Variants in TBC1D4 observed in about 807,000 individuals in gnomAD.
TBC1D4 encodes the protein TBC (Tre-2, BUB2, CDC16) domain-containing protein.
TBC1D4 carries 121 observed loss-of-function variants against 142.5 expected under a neutral mutation model. The observed-to-expected ratio is 0.85, with a 90% CI of 0.73 to 0.99. The LOEUF (loss-of-function observed/expected upper bound fraction) is 0.99. TBC1D4 is among the 50% of genes least tolerant of loss of function. TBC1D4 has a pLI of 0.00. For synonymous variants in TBC1D4, 630 were observed against 628.2 expected, an observed-to-expected ratio of 1.00 and a Z score of -0.04; for missense variants, 1,475 against 1,606.6, an observed-to-expected ratio of 0.92 and a Z score of 1.40.
chr13:75,464,850 T>C (rs542605871), intron 1 of TBC1D4, among the ~76,000 whole-genome samples: 40 of 152,352 alleles, frequency 2.6e-4, no homozygotes, highest in African/African-American at 9.6e-4. Flanking sequence ...AAAAACAAGA[T>C]TTTGTTAGGA....
In TBC1D4 at chr13:75,285,518, C is replaced by G. The variant is rs1282790546; in HGVS notation, c.*1274G>C. The G allele has an allele frequency of 6.6e-6, 1 of 152,458 alleles. No homozygotes were observed. The highest frequency in any genetic ancestry group is 1.5e-5 in the Non-Finnish European group (1 of 68,010). The allele number at this position is 152,458 out of a possible 1,614,324, so 9.4% of individuals were successfully genotyped here. A position where few individuals can be genotyped will look rare whatever the true frequency, so the allele number is the denominator to read the frequency against. Reference sequence around the variant, plus strand: ...TGAAAATTACTTTCCTTGCCTATACCCAGCATGCGTGAATGTCATCTAATG... The same window carrying G: ...TGAAAATTACTTTCCTTGCCTATACGCAGCATGCGTGAATGTCATCTAATG... On this transcript the variant is annotated 3_prime_UTR_variant, in exon 21 of 21. Transcript: ENST00000377636.
chr13:75,343,972 C>G lies in TBC1D4; in HGVS notation c.1409-2385G>C, dbSNP rs529874511. 5.3e-5 allele frequency among the ~76,000 whole-genome samples: 8 copies of G among 152,208 alleles called. No homozygotes were observed. The South Asian group carries it at 1.4e-3, about 28-fold the overall frequency. On this transcript the variant is annotated intron_variant, in intron 5 of 20. Transcript: ENST00000377636. ...TCTCATGCCTCAACCTCCCAAGTAG[C>G]TGGGATTACAGGTGCCCACCACCAT...
chr13:75,293,696 C>T (rs1354459009), intron 18 of TBC1D4, among the ~76,000 whole-genome samples: 1 of 152,144 alleles, frequency 6.6e-6, no homozygotes, highest in East Asian at 1.9e-4. Context: ...TCTTTTGCTG[C>T]ATTTTATAAA....
intron 19 of TBC1D4, among the ~76,000 whole-genome samples, chr13:75,289,572 G>A (rs2137826244): frequency 6.6e-6 from 1 of 152,132 alleles, no homozygotes; most frequent in East Asian, 1.9e-4. Flanking sequence ...CTGTAATAAA[G>A]CAACCAAAAG....
intron 16 of TBC1D4, among the ~76,000 whole-genome samples, chr13:75,299,848 A>T (rs1187561873): frequency 7.2e-6 from 1 of 138,354 alleles, no homozygotes; most frequent in African/African-American, 2.8e-5. Context: ...AAAAAAAAAA[A>T]TACAATAAAA....
chr13:75,338,711 A>G (rs913275225), intron 7 of TBC1D4, among the ~76,000 whole-genome samples: 8 of 152,228 alleles, frequency 5.3e-5, no homozygotes, highest in African/African-American at 1.9e-4. Context: ...CTCCTTACTC[A>G]TCACCTCAAA....
At chr13:75,293,256 G>A (rs1028098914) in intron 18 of TBC1D4, among the ~76,000 whole-genome samples, 2 of 152,156 alleles carry the variant, frequency 1.3e-5, no homozygotes, top group Non-Finnish European at 2.9e-5. Flanking sequence ...ATATACAACA[G>A]GGAGTCTTTA....
At chr13:75,334,620 G>T (rs1221106170) in intron 8 of TBC1D4, among the ~76,000 whole-genome samples, 2 of 151,890 alleles carry the variant, frequency 1.3e-5, no homozygotes, top group African/African-American at 4.8e-5. Context: ...GTCTCACTCT[G>T]TCTCCCAGGC....
At chr13:75,320,459 T>G (rs1435454962) in intron 11 of TBC1D4, among the ~76,000 whole-genome samples, 1 of 152,110 alleles carries the variant, frequency 6.6e-6, no homozygotes, top group Non-Finnish European at 1.5e-5. Context: ...TACCATAACA[T>G]TATATAAAAT....
At chr13:75,331,740 C>T (rs1169607360) in intron 8 of TBC1D4, among the ~76,000 whole-genome samples, 1 of 149,086 alleles carries the variant, frequency 6.7e-6, no homozygotes, top group African/African-American at 2.5e-5. Flanking sequence ...ATTTCATAAA[C>T]AACTATAGTT....
chr13:75,362,665 T>G lies in TBC1D4; in HGVS notation c.499-58A>C. The G allele has an allele frequency of 8.3e-6, 13 of 1,569,070 alleles. No homozygotes were observed. The South Asian group carries it at 1.4e-4, about 17-fold the overall frequency. On this transcript the variant is annotated intron_variant, in intron 1 of 20. Transcript: ENST00000377636. This position sits in a 1 kb window ranked among gnomAD's most constrained non-coding sequence, Gnocchi z 4.2. Reference sequence around the variant, plus strand: ...TGAAAGTTTTGAGACAATTTACATTTACCTAGCCCAATTATTACCACATGG... The same window carrying G: ...TGAAAGTTTTGAGACAATTTACATTGACCTAGCCCAATTATTACCACATGG...
At chr13:75,379,887 CTTTTTTTTTTTT>C (rs750734086) in intron 1 of TBC1D4, among the ~76,000 whole-genome samples, 1 of 98,606 alleles carries the variant, frequency 1.0e-5, no homozygotes, top group African/African-American at 3.5e-5. Context: ...TCATCTGACT[CTTTTTTTTTTTT>C]TTTTTTTTTT....
rs1372221640 is a variant in TBC1D4 at position 75,323,181 on chromosome 13, T to C, written c.2198+1056A>G. 2.0e-5 allele frequency among the ~76,000 whole-genome samples: 3 copies of C among 152,164 alleles called. 1 individual carries two copies. The highest frequency in any genetic ancestry group is 7.2e-5 in the African/African-American group (3 of 41,450). ...GCCAAAAGAATATCTAAGAAGATGTTAATGGCACACAGGCTAGTGGATAAC... is the reference window on the plus strand; with the variant it reads ...GCCAAAAGAATATCTAAGAAGATGTCAATGGCACACAGGCTAGTGGATAAC... On this transcript the variant is annotated intron_variant, in intron 11 of 20. Transcript: ENST00000377636.
chr13:75,299,590 A>G lies in TBC1D4; in HGVS notation c.2912-16T>C. ...AACGTCCTTCCTGCAGAGGAAAAGAAGGAAAATATTTTTTGAAATGTCCTC... is the reference window on the plus strand; with the variant it reads ...AACGTCCTTCCTGCAGAGGAAAAGAGGGAAAATATTTTTTGAAATGTCCTC... On this transcript the variant is annotated splice_polypyrimidine_tract_variant and intron_variant, in intron 16 of 20. Transcript: ENST00000377636. 1 of 1,613,912 alleles carries G rather than the reference A, an allele frequency of 6.2e-7. No individual in the cohort carries two copies. The highest frequency in any genetic ancestry group is 8.5e-7 in the Non-Finnish European group (1 of 1,180,004).
intron 19 of TBC1D4, among the ~76,000 whole-genome samples, chr13:75,290,077 T>A (rs554621455): frequency 1.3e-5 from 2 of 152,250 alleles, no homozygotes; most frequent in South Asian, 2.1e-4. Context: ...TAATATGGAT[T>A]TATAGTTACT....
At chr13:75,438,030 C>T (rs1285823586) in intron 1 of TBC1D4, among the ~76,000 whole-genome samples, 1 of 152,146 alleles carries the variant, frequency 6.6e-6, no homozygotes, top group Non-Finnish European at 1.5e-5. Context: ...AAAATAAAAT[C>T]TTCAGGTTCT....
At chr13:75,360,805 C>T (rs191400650) in intron 2 of TBC1D4, among the ~76,000 whole-genome samples, 5 of 152,238 alleles carry the variant, frequency 3.3e-5, no homozygotes, top group East Asian at 3.9e-4. Flanking sequence ...TGTTCACCTA[C>T]GAGTGTTTAT....
rs1318535884 is a variant in TBC1D4, at chr13:75,364,299, T to C, written c.499-1692A>G. On this transcript the variant is annotated intron_variant, in intron 1 of 20. Transcript: ENST00000377636. The stretch of plus-strand genomic sequence containing the variant: ...GAGATGTTAACAGTTTATTGCCACA[T>C]CCATTTAATATTTTCGGACCACAGA... 2.0e-5 allele frequency among the ~76,000 whole-genome samples: 3 copies of C among 152,206 alleles called. No individual in the cohort carries two copies. In the East Asian group the frequency reaches 5.8e-4, roughly 29 times the overall value.
intron 11 of TBC1D4, among the ~76,000 whole-genome samples, chr13:75,323,257 A>G (rs1878934938): frequency 6.6e-6 from 1 of 152,276 alleles, no homozygotes; most frequent in Admixed American, 6.5e-5. Context: ...ACAACAAGAA[A>G]CAACCCAAAT....
Sources: gnomAD v4.1 joint callset for allele counts (sites outside exome capture counted in the v4.1 genomes callset) on GRCh38, gnomAD v4.1.1 for gene constraint, Gnocchi (gnomAD v3.1) non-coding constraint, MANE v1.5 for transcripts, NCBI Gene and HGNC (gene_info 2026-07-23, HGNC 2026-07-21) for gene names.